CPHXL: variants seen among roughly 807,000 people sequenced by gnomAD.
CPHXL encodes the protein cytoplasmic polyadenylated homeobox-like protein.
intron 2 of CPHXL, among the ~76,000 whole-genome samples, chr16:75,715,449 C>A (rs1004995981): frequency 6.6e-6 from 1 of 152,200 alleles, no homozygotes; most frequent in African/African-American, 2.4e-5. Context: ...ACCTCCTTCA[C>A]TGGAGACATT....
At chr16:75,726,395 A>T in intron 1 of CPHXL, 23 bp downstream of exon 1, 1 of 398,634 alleles carries the variant, frequency 2.5e-6, no homozygotes, top group East Asian at 3.6e-5. Flanking sequence ...GCATTGTAAG[A>T]GAAAAAGCTG....
intron 1 of CPHXL, among the ~76,000 whole-genome samples, chr16:75,725,753 C>CTTTTTTTATTTT (rs1959549128): frequency 2.3e-5 from 1 of 43,294 alleles, no homozygotes; most frequent in Non-Finnish European, 3.9e-5. Context: ...TGCCCGGCGT[C>CTTTTTTTATTTT]TTTTTTTTTT....
intron 1 of CPHXL, 88 bp downstream of exon 1, chr16:75,726,330 C>T (rs979545743): frequency 2.5e-6 from 1 of 398,242 alleles, no homozygotes; most frequent in African/African-American, 2.1e-5. Context: ...CAATCTGTAC[C>T]TCTGTGTTTG....
At chr16:75,718,732 A>G (rs1959430072) in intron 1 of CPHXL, among the ~76,000 whole-genome samples, 1 of 152,206 alleles carries the variant, frequency 6.6e-6, no homozygotes, top group African/African-American at 2.4e-5. Context: ...TGCATTGCCT[A>G]TGGCTGTTTT....
At chr16:75,720,455 T>G (rs1241634114) in intron 1 of CPHXL, among the ~76,000 whole-genome samples, 1 of 152,026 alleles carries the variant, frequency 6.6e-6, no homozygotes, top group Non-Finnish European at 1.5e-5. Context: ...ACATGACGAA[T>G]GCACAAGCCT....
chr16:75,717,678 C>A (rs1170335219), intron 2 of CPHXL, among the ~76,000 whole-genome samples: 1 of 152,222 alleles, frequency 6.6e-6, no homozygotes, highest in Non-Finnish European at 1.5e-5. Flanking sequence ...TTCTGTCACA[C>A]AGGCTGGAAT....
At chr16:75,722,677 G>T (rs1959494861) in intron 1 of CPHXL, among the ~76,000 whole-genome samples, 1 of 152,154 alleles carries the variant, frequency 6.6e-6, no homozygotes, top group African/African-American at 2.4e-5. Flanking sequence ...AGAGGTGCAA[G>T]GAAGAGCTAG....
At position 75,714,705 on chromosome 16, in the gene CPHXL, T is replaced by C. The variant is rs1031621051; in HGVS notation, c.737A>G (p.Tyr246Cys). The C allele has an allele frequency of 1.5e-5, 6 of 398,510 alleles. No homozygotes were observed. Among genetic ancestry groups the C allele is most frequent in the African/African-American group, 1.2e-4 (6 of 48,630 alleles). 24.7% of individuals were successfully genotyped at this position (398,510 alleles called of 1,614,324 possible). Reference sequence around the variant, plus strand: ...AGGATGAAGGCATTCTGCAGAGTTGTAGCTGAGAAAATGATAGGCAGTAGA... The same window carrying C: ...AGGATGAAGGCATTCTGCAGAGTTGCAGCTGAGAAAATGATAGGCAGTAGA... ...GHSTAYHFLSYNSAECLHPPP... is the reference protein window; with the variant it reads ...GHSTAYHFLSCNSAECLHPPP... Residue 246 changes from tyrosine to cysteine, a missense_variant, in exon 3 of 3, where the codon TAC becomes TGC. Tyr to Cys is a radical substitution (Grantham distance 194). Transcript: ENST00000640559.
intron 1 of CPHXL, among the ~76,000 whole-genome samples, chr16:75,726,139 C>G (rs1959556147): frequency 2.0e-5 from 3 of 152,036 alleles, no homozygotes; most frequent in South Asian, 4.1e-4. Flanking sequence ...TAATAAAATT[C>G]TACAGGATGC....
chr16:75,725,753 C>CTTTTTTTTTTTTTTTTTTTT (rs35659823), intron 1 of CPHXL, among the ~76,000 whole-genome samples: 6 of 43,310 alleles, frequency 1.4e-4, no homozygotes, highest in Admixed American at 1.3e-3. Context: ...TGCCCGGCGT[C>CTTTTTTTTTTTTTTTTTTTT]TTTTTTTTTT....
rs882263 is a variant in CPHXL, at chr16:75,714,293, A to T, written c.1149T>A (p.Leu383=). Residue 383 remains leucine (L), a synonymous_variant, in exon 3 of 3, where the codon CTT becomes CTA. Coordinates refer to ENST00000640559, the MANE Select transcript of CPHXL (RefSeq NM_001355613.1). ...CCTGCATATCTTGCCCCAGAGGCAG[A>T]AGGGGTGAGTCGGCAGCTATTTGGA... ...MSLQIAADSP[L]LPLGQDMQER... 4 of 398,348 alleles carry T rather than the reference A, an allele frequency of 1.0e-5. No homozygotes were observed. The highest frequency in any genetic ancestry group is 4.1e-5 in the African/African-American group (2 of 48,556). 24.7% of individuals were successfully genotyped at this position (398,348 alleles called of 1,614,324 possible). A position where few individuals can be genotyped will look rare whatever the true frequency, so the allele number is the denominator to read the frequency against.
At chr16:75,716,034 T>G (rs1170781625) in intron 2 of CPHXL, among the ~76,000 whole-genome samples, 1 of 152,084 alleles carries the variant, frequency 6.6e-6, no homozygotes, top group East Asian at 1.9e-4. Flanking sequence ...AATTCTGACA[T>G]GCATTGGTTC....
intron 1 of CPHXL, among the ~76,000 whole-genome samples, chr16:75,718,830 T>C (rs1008448674): frequency 4.6e-5 from 7 of 152,226 alleles, no homozygotes; most frequent in Non-Finnish European, 1.0e-4. Flanking sequence ...GATTTGAGAA[T>C]TTATATTTAA....
intron 1 of CPHXL, among the ~76,000 whole-genome samples, chr16:75,725,254 A>T (rs954741563): frequency 6.6e-6 from 1 of 152,088 alleles, no homozygotes; most frequent in Admixed American, 6.5e-5. Context: ...GTGCACATGT[A>T]CCCTAAAACT....
Position 75,715,223 on chromosome 16 carries a change from C to A in CPHXL, c.220-1G>T, listed in dbSNP as rs1959373479. The A allele has an allele frequency of 7.5e-6, 3 of 398,666 alleles. No homozygotes were observed. The highest frequency in any genetic ancestry group is 4.4e-6 in the Non-Finnish European group (1 of 226,202). The allele number at this position is 398,666 out of a possible 1,614,324, so 24.7% of individuals were successfully genotyped here. On this transcript the variant is annotated splice_acceptor_variant, in intron 2 of 2. Coordinates refer to ENST00000640559, the MANE Select transcript of CPHXL (RefSeq NM_001355613.1). LOFTEE classifies it high-confidence loss of function. ...TGGCTCTTTTATTCTGGAACCAATT[C>A]TAGAGAGAAAAGATAATATTGTTTT...
Position 75,724,432 on chromosome 16 carries a change from AAAAC to A in CPHXL, c.25+1982_25+1985del, listed in dbSNP as rs562696789. On this transcript the variant is annotated intron_variant, in intron 1 of 2. Coordinates refer to ENST00000640559, the MANE Select transcript of CPHXL (RefSeq NM_001355613.1). ...TGAACTCAAACAAATTTACAAGAAA[AAAAC>A]AAACAACCCCATCAACAAGTGGGTG... Among the ~76,000 whole-genome samples, 1,017 of 152,322 alleles carry A rather than the reference AAAAC, an allele frequency of 6.7e-3. 11 individuals carry two copies. The highest frequency in any genetic ancestry group is 8.1e-3 in the Non-Finnish European group (554 of 68,014).
intron 1 of CPHXL, among the ~76,000 whole-genome samples, chr16:75,723,051 T>C (rs1342238616): frequency 6.6e-6 from 1 of 152,058 alleles, no homozygotes; most frequent in African/African-American, 2.4e-5. Context: ...AATTCAACAC[T>C]CCTTCATGCT....
At chr16:75,718,556 C>G in intron 1 of CPHXL, 98 bp from the exon 2 acceptor site, 2 of 396,320 alleles carry the variant, frequency 5.0e-6, no homozygotes, top group Non-Finnish European at 8.9e-6. Context: ...TAGATTCCCT[C>G]CCCTTCCCAA....
chr16:75,714,429 G>A lies in CPHXL; in HGVS notation c.1013C>T (p.Ser338Leu), dbSNP rs1215439491. The stretch of plus-strand genomic sequence containing the variant: ...CTGCTTCCCTAGATCCCAAGGACCC[G>A]AGTCCATTGGGAGCTGTTCCTGCAA... ...MMLQEQLPMDSGPWDLGKQWS... is the reference protein window; with the variant it reads ...MMLQEQLPMDLGPWDLGKQWS... The change falls in exon 3 of 3, where the codon TCG becomes TTG. Residue 338 changes from serine to leucine, a missense_variant. Physicochemically the swap from Ser to Leu is moderately radical, Grantham distance 145 (BLOSUM62 -2). Coordinates refer to ENST00000640559, the MANE Select transcript of CPHXL (RefSeq NM_001355613.1). 6 of 398,412 alleles carry A rather than the reference G, an allele frequency of 1.5e-5. No homozygotes were observed. The highest frequency in any genetic ancestry group is 6.2e-5 in the African/African-American group (3 of 48,606). The allele number at this position is 398,412 out of a possible 1,614,324, so 24.7% of individuals were successfully genotyped here.
Sources: allele counts gnomAD v4.1 joint callset (sites outside exome capture counted in the v4.1 genomes callset), GRCh38; gene constraint gnomAD v4.1.1; transcripts MANE v1.5; gene names NCBI Gene and HGNC (gene_info 2026-07-23, HGNC 2026-07-21).